EVI5L: variants seen among roughly 807,000 people sequenced by gnomAD.
EVI5L encodes EVI5-like protein.
In EVI5L, 30 loss-of-function variants were observed where a neutral mutation model predicts 106.1. The ratio of observed to expected loss-of-function variants is 0.28; its 90% confidence interval spans 0.21 to 0.38. The LOEUF (loss-of-function observed/expected upper bound fraction) is 0.38, where lower values mean the gene tolerates loss of function less well. Among genes scored for constraint, EVI5L ranks in the 10% least tolerant of loss-of-function variants. The probability of loss-of-function intolerance (pLI) is 1.00; values close to 1 mark genes in which losing one functional copy is unlikely to be tolerated. For synonymous variants in EVI5L, 489 were observed against 483.3 expected, an observed-to-expected ratio of 1.01 and a Z score of -0.15; for missense variants, 809 against 1,098.0, an observed-to-expected ratio of 0.74 and a Z score of 3.72.
intron 17 of EVI5L, 114 bp downstream of exon 17, chr19:7,862,648 G>A: frequency 1.0e-6 from 1 of 971,640 alleles, no homozygotes; most frequent in Non-Finnish European, 1.3e-6. Context: ...ATCTGCCCCT[G>A]CCCGCGGTCC....
rs1568237921 is a variant in EVI5L at position 7,848,332 on chromosome 19, C to A, written c.327+411C>A. Among the ~76,000 whole-genome samples the A allele has an allele frequency of 1.3e-5, 2 of 152,136 alleles. No individual in the cohort carries two copies. Among genetic ancestry groups the A allele is most frequent in the Non-Finnish European group, 2.9e-5 (2 of 68,034 alleles). On this transcript the variant is annotated intron_variant, in intron 3 of 19. Coordinates refer to ENST00000538904, the MANE Select transcript of EVI5L (RefSeq NM_001159944.3). This position sits in a 1 kb window ranked among gnomAD's most constrained non-coding sequence, Gnocchi z 4.8. ...GCCAGGTAGGCCGGGCGCAGTGGCTCACGCCTGTAATCCCAGTTCGTTGGA... is the reference window on the plus strand; with the variant it reads ...GCCAGGTAGGCCGGGCGCAGTGGCTAACGCCTGTAATCCCAGTTCGTTGGA...
chr19:7,839,251 C>T (rs966330577), intron 1 of EVI5L, among the ~76,000 whole-genome samples: 2 of 149,292 alleles, frequency 1.3e-5, no homozygotes, highest in Admixed American at 1.3e-4. Context: ...TGCAGTGAGC[C>T]GAGATCGCGC....
intron 1 of EVI5L, among the ~76,000 whole-genome samples, chr19:7,838,459 C>T (rs968657154): frequency 1.3e-5 from 2 of 152,188 alleles, no homozygotes; most frequent in South Asian, 2.1e-4. Flanking sequence ...AGGAAGACCA[C>T]AGGGGTGAAG....
intron 1 of EVI5L, among the ~76,000 whole-genome samples, chr19:7,843,585 T>C (rs1978805569): frequency 7.1e-6 from 1 of 140,602 alleles, no homozygotes; most frequent in African/African-American, 2.7e-5. Flanking sequence ...AGAATAGGCA[T>C]GGGTGTGTGT....
chr19:7,844,079 G>A (rs1231017037), intron 1 of EVI5L, among the ~76,000 whole-genome samples: 2 of 151,732 alleles, frequency 1.3e-5, no homozygotes, highest in Non-Finnish European at 2.9e-5. Context: ...TCGGCTGGGC[G>A]CGGTGGCTCA....
chr19:7,849,207 G>T, intron 4 of EVI5L, 49 bp from the exon 5 acceptor site: 1 of 1,613,242 alleles, frequency 6.2e-7, no homozygotes, highest in South Asian at 1.1e-5. Context: ...CCAGTTCACC[G>T]GCTGTGCTGG....
intron 10 of EVI5L, among the ~76,000 whole-genome samples, chr19:7,854,546 G>C (rs947725372): frequency 2.6e-5 from 4 of 152,162 alleles, no homozygotes; most frequent in Admixed American, 6.5e-5. Flanking sequence ...GAGGTGGGAG[G>C]GTGGCTTGAG....
At position 7,864,861 on chromosome 19, in the gene EVI5L, G is replaced by C. The variant is rs1471050568; in HGVS notation, c.*1159G>C. On this transcript the variant is annotated 3_prime_UTR_variant, in exon 20 of 20. Coordinates refer to ENST00000538904, the MANE Select transcript of EVI5L (RefSeq NM_001159944.3). The surrounding 1 kb of genome is among the most constrained non-coding windows in gnomAD (Gnocchi z 4.5). ...GTTACGAAGCCTGGGGACCGGGGCAGGCACCCACGGGGCTCTCCACACGCC... is the reference window on the plus strand; with the variant it reads ...GTTACGAAGCCTGGGGACCGGGGCACGCACCCACGGGGCTCTCCACACGCC... The C allele has an allele frequency of 6.6e-6, 1 of 152,066 alleles. No individual in the cohort carries two copies. Among genetic ancestry groups the C allele is most frequent in the East Asian group, 1.9e-4 (1 of 5,144 alleles). The allele number at this position is 152,066 out of a possible 1,614,324, so 9.4% of individuals were successfully genotyped here. A position where few individuals can be genotyped will look rare whatever the true frequency, so the allele number is the denominator to read the frequency against.
chr19:7,847,932 G>A lies in EVI5L; in HGVS notation c.327+11G>A. ...GAGAAGCTGCTCAAGGTGGGGGGCG[G>A]CCAGGCAGGCAGGGCTGGGCCGACG... On this transcript the variant is annotated intron_variant, in intron 3 of 19. Transcript: ENST00000538904. The A allele has an allele frequency of 6.5e-7, 1 of 1,534,692 alleles. No individual in the cohort carries two copies. Among genetic ancestry groups the A allele is most frequent in the South Asian group, 1.2e-5 (1 of 83,422 alleles).
At position 7,863,000 on chromosome 19, in the gene EVI5L, T is replaced by A; in HGVS notation, c.1976T>A (p.Leu659Gln). 6.3e-7 allele frequency: 1 copy of A among 1,578,446 alleles called. No homozygotes were observed. Among genetic ancestry groups the A allele is most frequent in the Non-Finnish European group, 8.5e-7 (1 of 1,170,282 alleles). Reference protein sequence around the residue: ...KSKEEVMAVRLREADSMAAVA... With the variant: ...KSKEEVMAVRQREADSMAAVA... ...AAGGAGGAGGTGATGGCTGTGCGAC[T>A]GCGGGAGGCGGACAGCATGGCTGCG... is the stretch of plus-strand genomic sequence containing the variant. The change falls in exon 18 of 20, where the codon CTG (leucine) becomes CAG (glutamine). Residue 659 changes from leucine to glutamine, a missense_variant. This residue lies in a region of EVI5L where 452 missense variants were observed against 509.9 expected (regional missense o/e 0.89). Transcript: ENST00000538904.
chr19:7,831,846 C>A (rs751605941), intron 1 of EVI5L, among the ~76,000 whole-genome samples: 1 of 152,200 alleles, frequency 6.6e-6, no homozygotes, highest in Admixed American at 6.5e-5. Context: ...CCTGACAGCC[C>A]GAGAGTTCTT....
intron 1 of EVI5L, among the ~76,000 whole-genome samples, chr19:7,843,833 G>A (rs117476599): frequency 2.0e-5 from 3 of 152,144 alleles, no homozygotes; most frequent in East Asian, 1.9e-4. Flanking sequence ...TGTGTTGTGC[G>A]TGCACACACG....
Position 7,847,858 on chromosome 19 carries a change from C to T in EVI5L, c.264C>T (p.Ile88=). The T allele has an allele frequency of 1.2e-6, 2 of 1,603,016 alleles. No individual in the cohort carries two copies. Among genetic ancestry groups the T allele is most frequent in the Non-Finnish European group, 1.7e-6 (2 of 1,174,858 alleles). The part of the protein sequence containing the change: ...NLSHLEEDTW[I]LWGRIANEWE... ...GCCACCTGGAGGAGGACACGTGGAT[C>T]CTGTGGGGCCGGATCGCCAACGAGT... The change falls in exon 3 of 20, where the codon ATC becomes ATT. Residue 88 remains isoleucine, a synonymous_variant. Coordinates refer to ENST00000538904, the MANE Select transcript of EVI5L (RefSeq NM_001159944.3).
At chr19:7,843,634 GGT>G (rs999094732) in intron 1 of EVI5L, among the ~76,000 whole-genome samples, 6 of 135,698 alleles carry the variant, frequency 4.4e-5, no homozygotes, top group South Asian at 2.5e-4. Context: ...TAGGCATGAG[GGT>G]GTGTGTCGAG....
chr19:7,857,851 G>A lies in EVI5L; in HGVS notation c.1234-340G>A, dbSNP rs1979607274. ...CCAGATCCTCACCCTCACCGGCAGA[G>A]TCTGGCATGAATAGGCACAGGTGGC... On this transcript the variant is annotated intron_variant, in intron 12 of 19. Transcript: ENST00000538904. The surrounding 1 kb of genome is among the most constrained non-coding windows in gnomAD (Gnocchi z 4.5). 2.0e-5 allele frequency: 6 copies of A among 293,002 alleles called. No individual in the cohort carries two copies. The highest frequency in any genetic ancestry group is 4.3e-5 in the South Asian group (1 of 23,226). 18.2% of individuals were successfully genotyped at this position (293,002 alleles called of 1,614,324 possible).
At chr19:7,851,028 G>T (rs932038987) in intron 6 of EVI5L, among the ~76,000 whole-genome samples, 2 of 152,060 alleles carry the variant, frequency 1.3e-5, no homozygotes, top group African/African-American at 2.4e-5. Flanking sequence ...AGGTGGGGGG[G>T]GGGCTCCCCC....
chr19:7,842,126 G>A (rs1482839842), intron 1 of EVI5L, among the ~76,000 whole-genome samples: 1 of 152,134 alleles, frequency 6.6e-6, no homozygotes, highest in Non-Finnish European at 1.5e-5. Flanking sequence ...GCCTGAGTGT[G>A]TGAATGTATG....
chr19:7,838,872 C>T (rs1978466031), intron 1 of EVI5L, among the ~76,000 whole-genome samples: 1 of 151,914 alleles, frequency 6.6e-6, no homozygotes. Flanking sequence ...AGGCACAGTC[C>T]CAGCACTTTG....
intron 1 of EVI5L, among the ~76,000 whole-genome samples, chr19:7,833,336 G>A (rs925648651): frequency 2.6e-5 from 4 of 152,252 alleles, no homozygotes; most frequent in Non-Finnish European, 4.4e-5. Flanking sequence ...GGCATGCGGC[G>A]GCCCCCGCCA....
Sources: gnomAD v4.1 joint callset for allele counts (sites outside exome capture counted in the v4.1 genomes callset) on GRCh38, gnomAD v4.1.1 for gene constraint, gnomAD v4.1.1 regional missense constraint, Gnocchi (gnomAD v3.1) non-coding constraint, MANE v1.5 for transcripts, NCBI Gene and HGNC (gene_info 2026-07-23, HGNC 2026-07-21) for gene names.